Variants in XRCC6 observed in about 807,000 individuals in gnomAD.
XRCC6 encodes X-ray repair cross complementing 6.
A neutral mutation model predicts 65.7 loss-of-function variants in XRCC6; 5 were observed. The ratio of observed to expected loss-of-function variants is 0.08; its 90% CI spans 0.04 to 0.16. The LOEUF (loss-of-function observed/expected upper bound fraction) is 0.16. XRCC6 is among the 10% of genes least tolerant of loss of function. The pLI, the probability that XRCC6 is intolerant of heterozygous loss-of-function variation, is 1.00. For missense variants in XRCC6, 447 were observed against 738.1 expected (o/e 0.61, Z 4.57); for synonymous variants, 270 against 270.6 (o/e 1.00, Z 0.02).
chr22:41,658,929 C>CA lies in XRCC6; in HGVS notation c.1522+583dup, dbSNP rs28384771. ...CTGGTGACAGAGCGAGACGCTGTCT[C>CA]AAAAAACAAAACAAAAACAAAAAAT... On this transcript the variant is annotated intron_variant, in intron 11 of 12. Transcript: ENST00000360079. Among the ~76,000 whole-genome samples, 45 of 152,102 alleles carry CA rather than the reference C, an allele frequency of 3.0e-4. No homozygotes were observed. The South Asian group carries it at 8.5e-3, about 29-fold the overall frequency.
chr22:41,640,207 G>C (rs1177497233), intron 6 of XRCC6, among the ~76,000 whole-genome samples: 1 of 151,768 alleles, frequency 6.6e-6, no homozygotes, highest in Non-Finnish European at 1.5e-5. Flanking sequence ...GGAGTGCAGT[G>C]GCGTGATCTC....
At chr22:41,628,257 A>G (rs1230975049) in intron 3 of XRCC6, 27 bp downstream of exon 3, 2 of 1,587,760 alleles carry the variant, frequency 1.3e-6, no homozygotes, top group Admixed American at 1.7e-5. Context: ...ATTTAAGACA[A>G]ATTTAAAAAC....
Position 41,653,520 on chromosome 22 carries a change from G to C in XRCC6, c.1130-9G>C, listed in dbSNP as rs1377725025. 1 of 1,559,566 alleles carries C rather than the reference G, an allele frequency of 6.4e-7. No homozygotes were observed. The highest frequency in any genetic ancestry group is 8.7e-7 in the Non-Finnish European group (1 of 1,146,230). ...TAGGAGGCTAGTCACTGGGCTTTTT[G>C]TTTTCTAGGGAGCTCAACCCTGTTC... is the stretch of plus-strand genomic sequence containing the variant. On this transcript the variant is annotated splice_polypyrimidine_tract_variant and intron_variant, in intron 8 of 12. Transcript: ENST00000360079.
At chr22:41,650,279 T>A (rs1054584072) in intron 7 of XRCC6, among the ~76,000 whole-genome samples, 1 of 151,928 alleles carries the variant, frequency 6.6e-6, no homozygotes, top group African/African-American at 2.4e-5. Context: ...TAATTTTTAA[T>A]TTTTTTATAC....
intron 11 of XRCC6, among the ~76,000 whole-genome samples, chr22:41,660,304 A>T (rs1485444605): frequency 2.0e-5 from 3 of 152,170 alleles, no homozygotes; most frequent in Non-Finnish European, 4.4e-5. Flanking sequence ...TTCCTGTCAT[A>T]CTTGCTCCCC....
chr22:41,629,458 T>C (rs1263286179), intron 3 of XRCC6, among the ~76,000 whole-genome samples: 1 of 152,200 alleles, frequency 6.6e-6, no homozygotes, highest in African/African-American at 2.4e-5. Flanking sequence ...AAGTCAAATA[T>C]TGTATGATTT....
chr22:41,643,254 C>T (rs1041235740), intron 6 of XRCC6, among the ~76,000 whole-genome samples: 1 of 151,904 alleles, frequency 6.6e-6, no homozygotes, highest in African/African-American at 2.4e-5. Context: ...ACTAAAAATA[C>T]AAAAATTAGC....
chr22:41,637,850 C>T (rs1285145557), intron 6 of XRCC6, 59 bp downstream of exon 6: 6 of 1,534,904 alleles, frequency 3.9e-6, no homozygotes, highest in South Asian at 2.5e-5. Context: ...GCAGGCTGGG[C>T]GCGGTGGCTC....
rs1891379366 is a variant in XRCC6 at position 41,653,650 on chromosome 22, A to G, written c.1251A>G (p.Glu417=). The G allele has an allele frequency of 1.2e-6, 2 of 1,614,012 alleles. No homozygotes were observed. Among genetic ancestry groups the G allele is most frequent in the East Asian group, 2.2e-5 (1 of 44,898 alleles). The part of the protein sequence containing the change: ...PPYFVALVPQ[E]EELDDQKIQV... ...ATTTTGTGGCTTTGGTGCCACAGGAAGAAGAGTTGGATGACCAGAAAATTC... is the reference window on the plus strand; with the variant it reads ...ATTTTGTGGCTTTGGTGCCACAGGAGGAAGAGTTGGATGACCAGAAAATTC... Residue 417 remains glutamate, a synonymous_variant, in exon 9 of 13, where the codon GAA becomes GAG. Coordinates refer to ENST00000360079, the MANE Select transcript of XRCC6 (RefSeq NM_001469.5).
At chr22:41,648,197 A>T (rs1265429238) in intron 7 of XRCC6, 4 of 152,088 alleles carry the variant, frequency 2.6e-5, no homozygotes, top group Non-Finnish European at 5.9e-5. Flanking sequence ...AGCCATGTGC[A>T]CCTTTCTTGC....
chr22:41,658,197 T>G (rs769531721), intron 10 of XRCC6, 55 bp from the exon 11 acceptor site: 1 of 1,586,248 alleles, frequency 6.3e-7, no homozygotes, highest in Admixed American at 1.7e-5. Context: ...TTATTCTAAT[T>G]TTTTCAATGT....
chr22:41,653,012 C>T (rs1601552847), intron 8 of XRCC6, among the ~76,000 whole-genome samples: 2 of 152,030 alleles, frequency 1.3e-5, no homozygotes, highest in South Asian at 2.1e-4. Context: ...GGCTTCTAAA[C>T]CTCTTATTCC....
At chr22:41,621,715 C>A in intron 1 of XRCC6, 1 of 450,932 alleles carries the variant, frequency 2.2e-6, no homozygotes, top group South Asian at 2.5e-5. Flanking sequence ...CCCTCACCGT[C>A]TAAATGGCGT....
intron 3 of XRCC6, among the ~76,000 whole-genome samples, chr22:41,631,041 G>A (rs1347874533): frequency 6.6e-6 from 1 of 151,726 alleles, no homozygotes; most frequent in Non-Finnish European, 1.5e-5. Context: ...AGGGGCGGCC[G>A]GGCAGAGGCG....
At chr22:41,655,531 C>A (rs1036164080) in intron 9 of XRCC6, among the ~76,000 whole-genome samples, 4 of 151,544 alleles carry the variant, frequency 2.6e-5, no homozygotes, top group African/African-American at 7.3e-5. Flanking sequence ...ACGGTGAAAC[C>A]GTCTCTACTA....
intron 9 of XRCC6, among the ~76,000 whole-genome samples, chr22:41,656,250 G>GT (rs2068043992): frequency 2.7e-5 from 4 of 150,250 alleles, no homozygotes; most frequent in African/African-American, 9.7e-5. Flanking sequence ...GCTGGGCGCG[G>GT]TACCTCACGT....
In XRCC6 at chr22:41,663,826, C is replaced by T. The variant is rs547334988; in HGVS notation, c.*11C>T. The T allele has an allele frequency of 8.1e-6, 13 of 1,606,410 alleles. No individual in the cohort carries two copies. The highest frequency in any genetic ancestry group is 1.7e-5 in the Admixed American group (1 of 59,762). ...CACTTCCAGGACTGACCAGAGGCCGCGCGTCCAGCTGCCCTTCCGCAGTGT... is the reference window on the plus strand; with the variant it reads ...CACTTCCAGGACTGACCAGAGGCCGTGCGTCCAGCTGCCCTTCCGCAGTGT... On this transcript the variant is annotated 3_prime_UTR_variant, in exon 13 of 13. Coordinates refer to ENST00000360079, the MANE Select transcript of XRCC6 (RefSeq NM_001469.5).
At chr22:41,649,139 A>ATATATATATATATATATATATATATATAT (rs1555906701) in intron 7 of XRCC6, among the ~76,000 whole-genome samples, 15 of 88,706 alleles carry the variant, frequency 1.7e-4, no homozygotes, top group Admixed American at 8.6e-4. Context: ...AAAAAAAAAA[A>ATATATATATATATATATATATATATATAT]ATATATATAT....
chr22:41,648,385 A>G (rs2067957664), intron 7 of XRCC6, among the ~76,000 whole-genome samples: 1 of 152,144 alleles, frequency 6.6e-6, no homozygotes, highest in South Asian at 2.1e-4. Flanking sequence ...CAGGTACAAT[A>G]GCAGAAAATA....
Sources: allele counts gnomAD v4.1 joint callset (sites outside exome capture counted in the v4.1 genomes callset), GRCh38; gene constraint gnomAD v4.1.1; transcripts MANE v1.5; gene names NCBI Gene and HGNC (gene_info 2026-07-23, HGNC 2026-07-21).